GSK3B: variants seen among roughly 807,000 people sequenced by gnomAD.
GSK3B encodes glycogen synthase kinase 3 beta, also known as glycogen synthase kinase-3 beta.
A neutral mutation model predicts 56.4 loss-of-function variants in GSK3B; 15 were observed. The observed-to-expected ratio is 0.27, with a 90% CI of 0.18 to 0.41. The LOEUF is 0.41. GSK3B is among the 10% of genes least tolerant of loss of function. The pLI is 1.00. For missense variants in GSK3B, 300 were observed against 513.4 expected (o/e 0.58, Z 4.02); for synonymous variants, 181 against 188.9 (o/e 0.96, Z 0.34).
intron 1 of GSK3B, among the ~76,000 whole-genome samples, chr3:120,092,083 C>T (rs2058517400): frequency 1.3e-5 from 2 of 152,052 alleles, no homozygotes; most frequent in Non-Finnish European, 2.9e-5. Flanking sequence ...CTCATGATGC[C>T]CCTCTTTCCC....
rs201745461 is a variant in GSK3B at position 119,824,160 on chromosome 3, CTT to C, written c.*2626_*2627del. 0.01 allele frequency: 2,116 copies of C among 202,356 alleles called. 26 individuals are homozygous for C. Among genetic ancestry groups the C allele is most frequent in the Middle Eastern group, 0.033 (19 of 582 alleles). The allele number at this position is 202,356 out of a possible 1,614,324, so 12.5% of individuals were successfully genotyped here. A position where few individuals can be genotyped will look rare whatever the true frequency, so the allele number is the denominator to read the frequency against. On this transcript the variant is annotated 3_prime_UTR_variant, in exon 11 of 11. Coordinates refer to ENST00000264235, the MANE Select transcript of GSK3B (RefSeq NM_001146156.2). ...CATATTTACATACAAAACAATAAAACTTAAATTTAAAAACACAGAAAGAAAAT... is the reference window on the plus strand; with the variant it reads ...CATATTTACATACAAAACAATAAAACAAATTTAAAAACACAGAAAGAAAAT...
At chr3:119,866,664 G>A (rs1218266252) in intron 8 of GSK3B, 23 of 1,466,472 alleles carry the variant, frequency 1.6e-5, no homozygotes, top group Non-Finnish European at 2.1e-5. Flanking sequence ...ATCCAAACAG[G>A]GGAAGTCAAT....
At chr3:119,899,086 G>A (rs1297402791) in intron 7 of GSK3B, among the ~76,000 whole-genome samples, 2 of 152,032 alleles carry the variant, frequency 1.3e-5, no homozygotes, top group Non-Finnish European at 2.9e-5. Context: ...GGATCAGTGA[G>A]CCATAATAAT....
At chr3:119,989,345 A>G (rs780218450) in intron 2 of GSK3B, among the ~76,000 whole-genome samples, 12 of 152,150 alleles carry the variant, frequency 7.9e-5, no homozygotes, top group Non-Finnish European at 1.8e-4. Context: ...TATCAATGTA[A>G]AGAAATAAGA....
intron 2 of GSK3B, among the ~76,000 whole-genome samples, chr3:119,948,057 T>C (rs1202157768): frequency 6.6e-6 from 1 of 152,202 alleles, no homozygotes; most frequent in Non-Finnish European, 1.5e-5. Context: ...CTGACTAGAC[T>C]GTACATTAAC....
At chr3:119,828,329 T>C (rs1201313120) in intron 10 of GSK3B, among the ~76,000 whole-genome samples, 1 of 152,218 alleles carries the variant, frequency 6.6e-6, no homozygotes, top group African/African-American at 2.4e-5. Flanking sequence ...GCTGTTTTAG[T>C]GGCTATCAAG....
At chr3:119,837,365 C>A (rs1323509802) in intron 10 of GSK3B, among the ~76,000 whole-genome samples, 4 of 150,910 alleles carry the variant, frequency 2.7e-5, no homozygotes, top group Non-Finnish European at 4.4e-5. Flanking sequence ...CGGGGTTTCA[C>A]CATGTTGGCC....
At chr3:119,920,518 C>T (rs576900146) in intron 4 of GSK3B, among the ~76,000 whole-genome samples, 1 of 152,206 alleles carries the variant, frequency 6.6e-6, no homozygotes, top group Non-Finnish European at 1.5e-5. Flanking sequence ...TGCTGGATTA[C>T]AGGCATGAGC....
At chr3:120,045,464 C>A (rs758511046) in intron 1 of GSK3B, among the ~76,000 whole-genome samples, 1 of 152,046 alleles carries the variant, frequency 6.6e-6, no homozygotes, top group Non-Finnish European at 1.5e-5. Flanking sequence ...ACCACACATC[C>A]CACCACTGTA....
intron 6 of GSK3B, among the ~76,000 whole-genome samples, chr3:119,909,715 A>G (rs140694186): frequency 1.3e-4 from 20 of 152,110 alleles, no homozygotes; most frequent in Non-Finnish European, 2.8e-4. Flanking sequence ...AAGACTTGAG[A>G]AGGTCAATGA....
chr3:119,831,956 C>A (rs191061986), intron 10 of GSK3B, among the ~76,000 whole-genome samples: 56 of 152,330 alleles, frequency 3.7e-4, no homozygotes, highest in Non-Finnish European at 5.3e-4. Flanking sequence ...ATCATCCCTA[C>A]ACACTGTGGT....
intron 7 of GSK3B, among the ~76,000 whole-genome samples, chr3:119,877,046 C>T (rs2056322834): frequency 6.6e-6 from 1 of 152,068 alleles, no homozygotes; most frequent in Non-Finnish European, 1.5e-5. Flanking sequence ...TTTGTGAAAG[C>T]CTTTTATCTG....
Position 119,822,464 on chromosome 3 carries a change from A to G in GSK3B, c.*4324T>C, listed in dbSNP as rs2055426977. Reference sequence around the variant, plus strand: ...AAAAAACTTAAAAATTAACACAAGGAAGTCTACTTTGTCAAGCTAACCCCT... The same window carrying G: ...AAAAAACTTAAAAATTAACACAAGGGAGTCTACTTTGTCAAGCTAACCCCT... On this transcript the variant is annotated 3_prime_UTR_variant, in exon 11 of 11. Coordinates refer to ENST00000264235, the MANE Select transcript of GSK3B (RefSeq NM_001146156.2). 4.5e-6 allele frequency: 1 copy of G among 223,422 alleles called. No individual in the cohort carries two copies. The highest frequency in any genetic ancestry group is 8.9e-6 in the Non-Finnish European group (1 of 112,126). 13.8% of individuals were successfully genotyped at this position (223,422 alleles called of 1,614,324 possible).
chr3:119,839,652 T>A (rs2055742235), intron 10 of GSK3B, among the ~76,000 whole-genome samples: 1 of 152,232 alleles, frequency 6.6e-6, no homozygotes, highest in South Asian at 2.1e-4. Context: ...TGATGTAAGG[T>A]CATTTTTAGA....
intron 9 of GSK3B, among the ~76,000 whole-genome samples, chr3:119,844,612 C>T (rs550870975): frequency 3.3e-5 from 5 of 152,304 alleles, no homozygotes; most frequent in African/African-American, 9.6e-5. Context: ...CACATACACC[C>T]TCCCAAGACT....
rs2055498525 is a variant in GSK3B at position 119,826,037 on chromosome 3, A to G, written c.*751T>C. On this transcript the variant is annotated 3_prime_UTR_variant, in exon 11 of 11. Transcript: ENST00000264235. Reference sequence around the variant, plus strand: ...GTCAGGCAAACAAAGAGCCACCTGTAGAGCATGTGTGCCTGAGTCTTGCTT... The same window carrying G: ...GTCAGGCAAACAAAGAGCCACCTGTGGAGCATGTGTGCCTGAGTCTTGCTT... 4.5e-6 allele frequency: 1 copy of G among 221,484 alleles called. No homozygotes were observed. The highest frequency in any genetic ancestry group is 1.4e-3 in the Middle Eastern group (1 of 716). 13.7% of individuals were successfully genotyped at this position (221,484 alleles called of 1,614,324 possible). A position where few individuals can be genotyped will look rare whatever the true frequency, so the allele number is the denominator to read the frequency against.
intron 1 of GSK3B, among the ~76,000 whole-genome samples, chr3:120,035,925 T>C (rs2058018843): frequency 6.6e-6 from 1 of 152,238 alleles, no homozygotes; most frequent in Admixed American, 6.5e-5. Flanking sequence ...CAAATAGAGA[T>C]AGCTATACTT....
intron 3 of GSK3B, among the ~76,000 whole-genome samples, chr3:119,942,245 AATTG>A (rs2057055864): frequency 1.3e-5 from 2 of 152,176 alleles, no homozygotes; most frequent in African/African-American, 4.8e-5. Flanking sequence ...GAAAACTATT[AATTG>A]ATTGAAATAA....
chr3:120,065,022 T>C (rs531726139), intron 1 of GSK3B, among the ~76,000 whole-genome samples: 35 of 152,254 alleles, frequency 2.3e-4, no homozygotes, highest in South Asian at 6.2e-4. Flanking sequence ...TACAAACCCC[T>C]TAGAAGAAAA....
Sources: gnomAD v4.1 joint callset for allele counts (sites outside exome capture counted in the v4.1 genomes callset) on GRCh38, gnomAD v4.1.1 for gene constraint, MANE v1.5 for transcripts, NCBI Gene and HGNC (gene_info 2026-07-23, HGNC 2026-07-21) for gene names.